NAT8: variants seen among roughly 807,000 people sequenced by gnomAD.
NAT8 encodes N-acetyltransferase 8 (putative).
For synonymous variants in NAT8, 131 were observed against 115.4 expected, an observed-to-expected ratio of 1.14 and a Z score of -0.87; for missense variants, 357 against 287.1, an observed-to-expected ratio of 1.24 and a Z score of -1.76.
rs749748874 is a variant in NAT8 at position 73,641,123 on chromosome 2, C to T, written c.506G>A (p.Gly169Asp). ...GGTGTCCAGGATAACTTCACTGTAG[C>T]CCTGGTCCCGGGCAAACTGGAGGAC... ...RTVLQFARDQ[G>D]YSEVILDTGT... The change falls in exon 2 of 2, where the codon GGC (glycine) becomes GAC (aspartate). Residue 169 changes from glycine (G) to aspartate (D), a missense_variant. Coordinates refer to ENST00000272425, the MANE Select transcript of NAT8 (RefSeq NM_003960.4). The T allele has an allele frequency of 1.2e-6, 2 of 1,614,084 alleles. No individual in the cohort carries two copies. The highest frequency in any genetic ancestry group is 1.1e-5 in the South Asian group (1 of 91,084).
rs760663264 is a variant in NAT8, at chr2:73,641,790, C to T, written c.-74-88G>A. 5.4e-5 allele frequency: 48 copies of T among 884,408 alleles called. 1 individual carries two copies. The highest frequency in any genetic ancestry group is 7.1e-5 in the Non-Finnish European group (44 of 622,478). The allele number at this position is 884,408 out of a possible 1,614,324, so 54.8% of individuals were successfully genotyped here. On this transcript the variant is annotated intron_variant, in intron 1 of 1. Coordinates refer to ENST00000272425, the MANE Select transcript of NAT8 (RefSeq NM_003960.4). ...AGACCTGCTCAAGGGTGTGTCTTTC[C>T]GCGTTTGCCCATGAGGAAGCAGGCC...
chr2:73,640,871 G>C lies in NAT8; in HGVS notation c.*74C>G. ...GCTTTTATTGCATTGAAAGGTCATT[G>C]CAGTGAAAGGTTGGGGATTGCTTGC... On this transcript the variant is annotated 3_prime_UTR_variant, in exon 2 of 2. Coordinates refer to ENST00000272425, the MANE Select transcript of NAT8 (RefSeq NM_003960.4). The C allele has an allele frequency of 4.2e-6, 6 of 1,424,368 alleles. No homozygotes were observed. Among genetic ancestry groups the C allele is most frequent in the Non-Finnish European group, 5.7e-6 (6 of 1,058,302 alleles). The allele number at this position is 1,424,368 out of a possible 1,614,324, so 88.2% of individuals were successfully genotyped here.
rs757668615 is a variant in NAT8 at position 73,641,326 on chromosome 2, G to A, written c.303C>T (p.Tyr101=). The change falls in exon 2 of 2, where the codon TAC becomes TAT. Residue 101 remains tyrosine, a synonymous_variant. Transcript: ENST00000272425. ...CTDMSDITKS[Y]LSERGSCFWV... ...AGAAGCAGGAGCCACGCTCACTCAG[G>A]TAGGATTTGGTAATGTCAGACATGT... is the stretch of plus-strand genomic sequence containing the variant. 3 of 1,613,980 alleles carry A rather than the reference G, an allele frequency of 1.9e-6. No homozygotes were observed. The highest frequency in any genetic ancestry group is 2.7e-5 in the African/African-American group (2 of 74,922).
Position 73,640,853 on chromosome 2 carries a change from T to G in NAT8, c.*92A>C. 1 of 1,300,004 alleles carries G rather than the reference T, an allele frequency of 7.7e-7. No homozygotes were observed. The highest frequency in any genetic ancestry group is 1.5e-5 in the African/African-American group (1 of 66,882). 80.5% of individuals were successfully genotyped at this position (1,300,004 alleles called of 1,614,324 possible). Reference sequence around the variant, plus strand: ...GATGTGAATGGACAATAAGCTTTTATTGCATTGAAAGGTCATTGCAGTGAA... The same window carrying G: ...GATGTGAATGGACAATAAGCTTTTAGTGCATTGAAAGGTCATTGCAGTGAA... On this transcript the variant is annotated 3_prime_UTR_variant, in exon 2 of 2. Transcript: ENST00000272425.
In NAT8 at chr2:73,641,033, G is replaced by T. The variant is rs746634543; in HGVS notation, c.596C>A (p.Ser199Tyr). The change falls in exon 2 of 2, where the codon TCC becomes TAC. Residue 199 changes from serine to tyrosine, a missense_variant. Transcript: ENST00000272425. ...TAGCCTGGCCCACACACAGAAGAAG[G>T]ACTGGCCCGTCTTCTTGAAGCCCAT... The part of the protein sequence containing the change: ...QSMGFKKTGQ[S>Y]FFCVWARLVA... The T allele has an allele frequency of 2.1e-5, 34 of 1,614,002 alleles. No homozygotes were observed. Among genetic ancestry groups the T allele is most frequent in the Admixed American group, 3.3e-5 (2 of 59,940 alleles).
In NAT8 at chr2:73,641,193, T is replaced by G. The variant is rs771164222; in HGVS notation, c.436A>C (p.Ser146Arg). The stretch of plus-strand genomic sequence containing the variant: ...GCTATCCCCTGACGACGGTGCTCAC[T>G]GTCCACAAAGAGATGAAACAGCTGC... ...RLQLFHLFVD[S>R]EHRRQGIAKA... is the part of the protein sequence containing the mutation. The change falls in exon 2 of 2, where the codon AGT becomes CGT. Residue 146 changes from serine (S) to arginine (R), a missense_variant. Ser to Arg is a moderately radical substitution (Grantham distance 110, BLOSUM62 -1). Coordinates refer to ENST00000272425, the MANE Select transcript of NAT8 (RefSeq NM_003960.4). 1 of 1,614,104 alleles carries G rather than the reference T, an allele frequency of 6.2e-7. No individual in the cohort carries two copies. Among genetic ancestry groups the G allele is most frequent in the South Asian group, 1.1e-5 (1 of 91,090 alleles).
rs202210289 is a variant in NAT8 at position 73,641,222 on chromosome 2, C to T, written c.407G>A (p.Arg136Gln). ...CACAAAGAGATGAAACAGCTGCAAC[C>T]GCTTCTCCCTCAAGGTGGGATCATC... ...PVDDPTLREK[R>Q]LQLFHLFVDS... The change falls in exon 2 of 2, where the codon CGG becomes CAG. Residue 136 changes from arginine (R) to glutamine (Q), a missense_variant. Transcript: ENST00000272425. 1.0e-4 allele frequency: 169 copies of T among 1,614,100 alleles called. No homozygotes were observed. Among genetic ancestry groups the T allele is most frequent in the Middle Eastern group, 9.9e-4 (6 of 6,062 alleles).
chr2:73,640,825 T>G lies in NAT8; in HGVS notation c.*120A>C, dbSNP rs1676377606. 2 of 1,111,078 alleles carry G rather than the reference T, an allele frequency of 1.8e-6. No individual in the cohort carries two copies. Among genetic ancestry groups the G allele is most frequent in the African/African-American group, 3.2e-5 (2 of 63,286 alleles). The allele number at this position is 1,111,078 out of a possible 1,614,324, so 68.8% of individuals were successfully genotyped here. A position where few individuals can be genotyped will look rare whatever the true frequency, so the allele number is the denominator to read the frequency against. ...TACCCCACAAGCAATCACATGGGAC[T>G]CAGATGTGAATGGACAATAAGCTTT... On this transcript the variant is annotated 3_prime_UTR_variant, in exon 2 of 2. Coordinates refer to ENST00000272425, the MANE Select transcript of NAT8 (RefSeq NM_003960.4).
Position 73,641,132 on chromosome 2 carries a change from C to G in NAT8, c.497G>C (p.Arg166Pro). ...GATAACTTCACTGTAGCCCTGGTCC[C>G]GGGCAAACTGGAGGACAGTCCTGAC... is the stretch of plus-strand genomic sequence containing the variant. ...ALVRTVLQFA[R>P]DQGYSEVILD... is the part of the protein sequence containing the mutation. The change falls in exon 2 of 2, where the codon CGG (arginine) becomes CCG (proline). Residue 166 changes from arginine (R) to proline (P), a missense_variant. Physicochemically the swap from Arg to Pro is moderately radical, Grantham distance 103 (BLOSUM62 -2). Transcript: ENST00000272425. 1 of 1,614,108 alleles carries G rather than the reference C, an allele frequency of 6.2e-7. No individual in the cohort carries two copies. Among genetic ancestry groups the G allele is most frequent in the Non-Finnish European group, 8.5e-7 (1 of 1,180,036 alleles).
Position 73,641,400 on chromosome 2 carries a change from G to A in NAT8, c.229C>T (p.Leu77Phe). The A allele has an allele frequency of 4.3e-6, 7 of 1,614,102 alleles. No homozygotes were observed. The highest frequency in any genetic ancestry group is 5.1e-6 in the Non-Finnish European group (6 of 1,180,038). Residue 77 changes from leucine to phenylalanine, a missense_variant, in exon 2 of 2, where the codon CTT (leucine) becomes TTT (phenylalanine). Transcript: ENST00000272425. The stretch of plus-strand genomic sequence containing the variant: ...TACTCCGTCCAGGGTTTTTTGGCAA[G>A]GAACCACAGGGCAGGGAAGAGGCTG... ...SISLFPALWF[L>F]AKKPWTEYVD...
rs772240653 is a variant in NAT8 at position 73,641,135 on chromosome 2, G to A, written c.494C>T (p.Ala165Val). The A allele has an allele frequency of 3.1e-6, 5 of 1,613,984 alleles. No individual in the cohort carries two copies. In the African/African-American group the frequency reaches 6.7e-5, roughly 22 times the overall value. Reference protein sequence around the residue: ...KALVRTVLQFARDQGYSEVIL... With the variant: ...KALVRTVLQFVRDQGYSEVIL... ...AACTTCACTGTAGCCCTGGTCCCGGGCAAACTGGAGGACAGTCCTGACCAG... is the reference window on the plus strand; with the variant it reads ...AACTTCACTGTAGCCCTGGTCCCGGACAAACTGGAGGACAGTCCTGACCAG... The change falls in exon 2 of 2, where the codon GCC becomes GTC. Residue 165 changes from alanine (A) to valine (V), a missense_variant. Transcript: ENST00000272425.
Position 73,642,111 on chromosome 2 carries a change from C to G in NAT8, c.-75+207G>C, listed in dbSNP as rs547961199. ...GGGCACCTACCTCAGGCAGGCCACACGTGCAACCCTTTTGTCCTTCTCCAG... is the reference window on the plus strand; with the variant it reads ...GGGCACCTACCTCAGGCAGGCCACAGGTGCAACCCTTTTGTCCTTCTCCAG... On this transcript the variant is annotated intron_variant, in intron 1 of 1. Coordinates refer to ENST00000272425, the MANE Select transcript of NAT8 (RefSeq NM_003960.4). Among the ~76,000 whole-genome samples, 3 of 152,148 alleles carry G rather than the reference C, an allele frequency of 2.0e-5. No homozygotes were observed. The South Asian group carries it at 6.2e-4, about 32-fold the overall frequency.
rs1250886286 is a variant in NAT8, at chr2:73,641,198, A to G, written c.431T>C (p.Val144Ala). The G allele has an allele frequency of 1.2e-6, 2 of 1,614,004 alleles. No individual in the cohort carries two copies. Among genetic ancestry groups the G allele is most frequent in the Non-Finnish European group, 1.7e-6 (2 of 1,180,024 alleles). ...CCCCTGACGACGGTGCTCACTGTCC[A>G]CAAAGAGATGAAACAGCTGCAACCG... ...EKRLQLFHLF[V>A]DSEHRRQGIA... The change falls in exon 2 of 2, where the codon GTG (valine) becomes GCG (alanine). Residue 144 changes from valine (V) to alanine (A), a missense_variant. Transcript: ENST00000272425.
In NAT8 at chr2:73,640,907, G is replaced by A; in HGVS notation, c.*38C>T. On this transcript the variant is annotated 3_prime_UTR_variant, in exon 2 of 2. Coordinates refer to ENST00000272425, the MANE Select transcript of NAT8 (RefSeq NM_003960.4). ...TTGGGGATTGCTTGCTGCTACAGCT[G>A]AATGGATTCTATTCTGACCAATACA... The A allele has an allele frequency of 6.4e-7, 1 of 1,553,374 alleles. No homozygotes were observed.
At position 73,640,935 on chromosome 2, in the gene NAT8, C is replaced by G. The variant is rs766966000; in HGVS notation, c.*10G>C. The G allele has an allele frequency of 1.9e-6, 3 of 1,600,274 alleles. No homozygotes were observed. ...TGGATTCTATTCTGACCAATACACA[C>G]AGAAAGAGATCACAGACTCCCTACC... On this transcript the variant is annotated 3_prime_UTR_variant, in exon 2 of 2. Coordinates refer to ENST00000272425, the MANE Select transcript of NAT8 (RefSeq NM_003960.4).
At position 73,641,343 on chromosome 2, in the gene NAT8, C is replaced by T. The variant is rs1327641815; in HGVS notation, c.286G>A (p.Asp96Asn). The T allele has an allele frequency of 1.2e-6, 2 of 1,614,110 alleles. No individual in the cohort carries two copies. Among genetic ancestry groups the T allele is most frequent in the Admixed American group, 1.7e-5 (1 of 59,952 alleles). ...VDMTLCTDMS[D>N]ITKSYLSERG... ...TCACTCAGGTAGGATTTGGTAATGT[C>T]AGACATGTCTGTGCACAATGTCATG... The change falls in exon 2 of 2, where the codon GAC becomes AAC. Residue 96 changes from aspartate to asparagine, a missense_variant. Asp to Asn is a conservative substitution (Grantham distance 23, BLOSUM62 1). Coordinates refer to ENST00000272425, the MANE Select transcript of NAT8 (RefSeq NM_003960.4).
intron 1 of NAT8, 32 bp from the exon 2 acceptor site, chr2:73,641,734 C>T: frequency 1.5e-6 from 2 of 1,362,064 alleles, no homozygotes; most frequent in East Asian, 2.3e-5. Flanking sequence ...ATGTGAGTGC[C>T]TGCATGGCTC....
Position 73,640,978 on chromosome 2 carries a change from G to T in NAT8, c.651C>A (p.Tyr217Ter). The change falls in exon 2 of 2, where the codon TAC becomes TAA. Residue 217 changes from tyrosine to a stop codon, truncating the protein, a stop_gained. Coordinates refer to ENST00000272425, the MANE Select transcript of NAT8 (RefSeq NM_003960.4). LOFTEE classifies it low-confidence loss of function (END_TRUNC). Reference protein sequence around the residue: ...LVALHTVHFIYHLPSSKVGSL With the variant: ...LVALHTVHFI ...TCCCTACCTTAGAAGAAGGGAGGTG[G>T]TAGATGAAATGAACTGTATGAAGAG... The T allele has an allele frequency of 6.2e-7, 1 of 1,613,560 alleles. No homozygotes were observed. Among genetic ancestry groups the T allele is most frequent in the Non-Finnish European group, 8.5e-7 (1 of 1,179,762 alleles).
intron 1 of NAT8, 128 bp from the exon 2 acceptor site, chr2:73,641,830 A>G (rs1676409304): frequency 5.1e-6 from 3 of 583,802 alleles, no homozygotes; most frequent in South Asian, 4.4e-5. Flanking sequence ...CCACTGGGAG[A>G]AGGTAGGGTC....
Sources: gnomAD v4.1 joint callset for allele counts (sites outside exome capture counted in the v4.1 genomes callset) on GRCh38, gnomAD v4.1.1 for gene constraint, MANE v1.5 for transcripts, NCBI Gene and HGNC (gene_info 2026-07-23, HGNC 2026-07-21) for gene names.